The following TMEM232 variants were observed in gnomAD, a reference collection of about 807,000 sequenced individuals.
The protein encoded by TMEM232 is transmembrane protein 232.
In TMEM232, 80 loss-of-function variants were observed where a neutral mutation model predicts 78.8. The ratio of observed to expected loss-of-function variants is 1.01; its 90% CI spans 0.85 to 1.22. The LOEUF (loss-of-function observed/expected upper bound fraction) is 1.22, where lower values mean the gene tolerates loss of function less well. Ranked by LOEUF, TMEM232 falls within the 50% of genes most tolerant of loss-of-function variation. The pLI, the probability that TMEM232 is intolerant of heterozygous loss-of-function variation, is 0.00. For missense variants in TMEM232, 881 were observed against 742.2 expected (o/e 1.19, Z -2.17); for synonymous variants, 297 against 254.3 (o/e 1.17, Z -1.60).
intron 5 of TMEM232, 146 bp from the exon 6 acceptor site, chr5:110,628,026 C>T (rs951000953): frequency 2.0e-5 from 13 of 657,526 alleles, no homozygotes; most frequent in Middle Eastern, 8.1e-4. Context: ...TTTTAAATAA[C>T]ATTAAAACAT....
intron 1 of TMEM232, among the ~76,000 whole-genome samples, chr5:110,699,631 A>G (rs1299095417): frequency 6.6e-6 from 1 of 152,056 alleles, no homozygotes; most frequent in Non-Finnish European, 1.5e-5. Context: ...GAAGTGAACC[A>G]CAATATCTTG....
At chr5:110,555,927 T>C (rs1775021784) in intron 11 of TMEM232, among the ~76,000 whole-genome samples, 1 of 152,176 alleles carries the variant, frequency 6.6e-6, no homozygotes, top group Non-Finnish European at 1.5e-5. Context: ...AGGTCTTTCT[T>C]CTTTATCCAA....
chr5:110,702,238 T>A (rs759304426), intron 1 of TMEM232, among the ~76,000 whole-genome samples: 1 of 152,044 alleles, frequency 6.6e-6, no homozygotes, highest in Non-Finnish European at 1.5e-5. Context: ...TTTTTTCTCA[T>A]GAGAGCCACG....
rs530817506 is a variant in TMEM232 at position 110,669,282 on chromosome 5, A to C, written c.-12-1918T>G. Among the ~76,000 whole-genome samples the C allele has an allele frequency of 2.3e-4, 35 of 152,352 alleles. 1 individual carries two copies. In the South Asian group the frequency reaches 7.0e-3, roughly 31 times the overall value. On this transcript the variant is annotated intron_variant, in intron 1 of 13. Transcript: ENST00000455884. ...AGAAGAATCAAATAGATGCAATAAA[A>C]AATGATAAAGGGGATATCACCACCA...
At chr5:110,614,358 T>C (rs1389847784) in intron 8 of TMEM232, among the ~76,000 whole-genome samples, 1 of 152,120 alleles carries the variant, frequency 6.6e-6, no homozygotes, top group Non-Finnish European at 1.5e-5. Flanking sequence ...CACTCATCAA[T>C]AAGCCTAATA....
At chr5:110,489,860 T>A (rs995162900) in intron 12 of TMEM232, among the ~76,000 whole-genome samples, 8 of 152,004 alleles carry the variant, frequency 5.3e-5, no homozygotes, top group Non-Finnish European at 1.0e-4. Context: ...GTTCTGTGGC[T>A]CATGCCTGTA....
intron 2 of TMEM232, among the ~76,000 whole-genome samples, chr5:110,402,411 C>T (rs1290753946): frequency 1.3e-5 from 2 of 152,072 alleles, no homozygotes; most frequent in African/African-American, 2.4e-5. Flanking sequence ...ATTAGAAACA[C>T]AGAAGCATAT....
rs532109011 is a variant in TMEM232 at position 110,608,499 on chromosome 5, C to T, written c.903-2212G>A. 6.3e-4 allele frequency among the ~76,000 whole-genome samples: 96 copies of T among 151,876 alleles called. 1 individual carries two copies. In the South Asian group the frequency reaches 0.017, roughly 27 times the overall value. On this transcript the variant is annotated intron_variant, in intron 8 of 13. Coordinates refer to ENST00000455884, the MANE Select transcript of TMEM232 (RefSeq NM_001039763.4). ...TCATAGAGTTCGTAAAACTTCTTTT[C>T]CCCTGAATATATTTCATAATCAGAA...
chr5:110,465,129 T>A (rs1360666741), intron 12 of TMEM232, among the ~76,000 whole-genome samples: 3 of 152,158 alleles, frequency 2.0e-5, no homozygotes, highest in African/African-American at 7.2e-5. Flanking sequence ...CTGTCTTTAC[T>A]TTCTGCATTA....
chr5:110,533,027 A>T (rs1771780123), intron 11 of TMEM232, among the ~76,000 whole-genome samples: 1 of 152,028 alleles, frequency 6.6e-6, no homozygotes, highest in African/African-American at 2.4e-5. Flanking sequence ...GTGGTGCCCA[A>T]CCCGTACACT....
At chr5:110,615,688 A>G (rs1782835265) in intron 8 of TMEM232, among the ~76,000 whole-genome samples, 1 of 152,004 alleles carries the variant, frequency 6.6e-6, no homozygotes, top group Non-Finnish European at 1.5e-5. Context: ...GGAAACAATA[A>G]AACTATCTTT....
intron 9 of TMEM232, among the ~76,000 whole-genome samples, chr5:110,605,592 T>C (rs886451317): frequency 2.6e-5 from 4 of 152,166 alleles, no homozygotes; most frequent in African/African-American, 9.6e-5. Flanking sequence ...TAGCAGTCAA[T>C]GGAATGTAAA....
intron 8 of TMEM232, among the ~76,000 whole-genome samples, chr5:110,606,564 C>A (rs1403751304): frequency 6.6e-6 from 1 of 151,904 alleles, no homozygotes; most frequent in Non-Finnish European, 1.5e-5. Flanking sequence ...TCCTGAACAA[C>A]AAGCAATCAG....
At chr5:110,504,959 A>T (rs1766697950) in intron 12 of TMEM232, among the ~76,000 whole-genome samples, 1 of 152,252 alleles carries the variant, frequency 6.6e-6, no homozygotes, top group South Asian at 2.1e-4. Context: ...CATACAAGAA[A>T]CTATTTTTCC....
intron 2 of TMEM232, among the ~76,000 whole-genome samples, chr5:110,648,671 G>A (rs763896519): frequency 1.3e-5 from 2 of 151,834 alleles, no homozygotes; most frequent in African/African-American, 2.4e-5. Flanking sequence ...CACCGCTTAT[G>A]GTAAAACAAA....
chr5:110,674,514 C>T (rs1044152972), intron 1 of TMEM232, among the ~76,000 whole-genome samples: 1 of 152,102 alleles, frequency 6.6e-6, no homozygotes, highest in African/African-American at 2.4e-5. Flanking sequence ...ATATGTATGT[C>T]TAATGAAGCA....
At chr5:110,658,765 T>C (rs1405031379) in intron 2 of TMEM232, among the ~76,000 whole-genome samples, 2 of 152,122 alleles carry the variant, frequency 1.3e-5, no homozygotes, top group Non-Finnish European at 2.9e-5. Context: ...AATACCCAAA[T>C]TGATGTATTT....
At chr5:110,570,812 A>C (rs930950796) in intron 10 of TMEM232, among the ~76,000 whole-genome samples, 1 of 151,994 alleles carries the variant, frequency 6.6e-6, no homozygotes, top group South Asian at 2.1e-4. Context: ...AAGGATTGCC[A>C]TTTGTCCCTA....
At chr5:110,653,252 A>G (rs1003310396) in intron 2 of TMEM232, among the ~76,000 whole-genome samples, 7 of 152,294 alleles carry the variant, frequency 4.6e-5, no homozygotes, top group Admixed American at 1.3e-4. Context: ...CATGATTCCA[A>G]CACTTCCATG....
Sources: allele counts gnomAD v4.1 joint callset (sites outside exome capture counted in the v4.1 genomes callset), GRCh38; gene constraint gnomAD v4.1.1; transcripts MANE v1.5; gene names NCBI Gene and HGNC (gene_info 2026-07-23, HGNC 2026-07-21).